The following ACCSL variants were observed in gnomAD, a reference collection of about 807,000 sequenced individuals.
The protein encoded by ACCSL is probable inactive 1-aminocyclopropane-1-carboxylate synthase-like protein 2.
ACCSL carries 55 observed loss-of-function variants against 61.7 expected under a neutral mutation model. The ratio of observed to expected loss-of-function variants is 0.89; its 90% CI spans 0.72 to 1.12. The LOEUF (loss-of-function observed/expected upper bound fraction) is 1.12, where lower values mean the gene tolerates loss of function less well. Ranked by LOEUF, ACCSL falls within the 50% of genes most tolerant of loss-of-function variation. ACCSL has a pLI of 0.00. For synonymous variants in ACCSL, 258 were observed against 264.3 expected (o/e 0.98, Z 0.23); for missense variants, 632 against 698.0 (o/e 0.91, Z 1.07).
chr11:44,031,048 T>C, the ACCSL span, among the ~76,000 whole-genome samples: 27,913 of 152,102 alleles, frequency 0.18, 2,811 homozygotes, highest in East Asian at 0.21. Flanking sequence ...TTTCCCTCCA[T>C]TGGGGTTTAA....
chr11:43,938,022 C>T, the ACCSL span, among the ~76,000 whole-genome samples: 4 of 152,068 alleles, frequency 2.6e-5, no homozygotes, highest in Non-Finnish European at 4.4e-5. Flanking sequence ...TCTTCTTAAT[C>T]GAGTGAGGCA....
At chr11:43,921,704 A>G in the ACCSL span, among the ~76,000 whole-genome samples, 1 of 152,162 alleles carries the variant, frequency 6.6e-6, no homozygotes, top group South Asian at 2.1e-4. Context: ...GCAGCTGTGC[A>G]TTTGATCTCT....
chr11:43,997,862 A>G, the ACCSL span, among the ~76,000 whole-genome samples: 2 of 152,168 alleles, frequency 1.3e-5, no homozygotes, highest in Non-Finnish European at 2.9e-5. Flanking sequence ...GCCTTCTTCT[A>G]TGGGAAGAGA....
rs779808485 is a variant in ACCSL at position 44,050,005 on chromosome 11, A to T, written c.505-57A>T. 1.4e-5 allele frequency: 23 copies of T among 1,610,448 alleles called. No individual in the cohort carries two copies. In the South Asian group the frequency reaches 2.5e-4, roughly 18 times the overall value. On this transcript the variant is annotated intron_variant, in intron 1 of 13. Transcript: ENST00000378832. ...TCCATTTGAACTAATGTTTCAAGGG[A>T]TCTATGTAGGGTGGAGCAAGAGGAC...
chr11:44,002,383 G>T, the ACCSL span, among the ~76,000 whole-genome samples: 1 of 152,216 alleles, frequency 6.6e-6, no homozygotes, highest in African/African-American at 2.4e-5. Flanking sequence ...CCACTCTTTG[G>T]AAGAAGTTTC....
chr11:43,999,607 T>C, the ACCSL span, among the ~76,000 whole-genome samples: 1 of 152,186 alleles, frequency 6.6e-6, no homozygotes, highest in Non-Finnish European at 1.5e-5. Flanking sequence ...TGCTACTGAG[T>C]AACCTAACTG....
chr11:44,031,894 G>A, the ACCSL span, among the ~76,000 whole-genome samples: 1 of 152,160 alleles, frequency 6.6e-6, no homozygotes, highest in Non-Finnish European at 1.5e-5. Context: ...CCCTCCAGCA[G>A]GAGATCCAAG....
At chr11:44,017,483 A>G in the ACCSL span, among the ~76,000 whole-genome samples, 1 of 152,186 alleles carries the variant, frequency 6.6e-6, no homozygotes, top group Non-Finnish European at 1.5e-5. Flanking sequence ...GTCTGCAGGA[A>G]CAGGCAAGAG....
In ACCSL at chr11:44,058,685, C is replaced by T. The variant is rs754373692; in HGVS notation, c.1610C>T (p.Pro537Leu). 1.2e-6 allele frequency: 2 copies of T among 1,610,936 alleles called. No homozygotes were observed. Among genetic ancestry groups the T allele is most frequent in the South Asian group, 1.1e-5 (1 of 90,698 alleles). ...WFCLIFADEL[P>L]RLKLAMRRFC... Reference sequence around the variant, plus strand: ...TGCCTCATCTTTGCAGATGAGCTCCCCCGGCTAAAATTGGGTGAGTGGAGC... The same window carrying T: ...TGCCTCATCTTTGCAGATGAGCTCCTCCGGCTAAAATTGGGTGAGTGGAGC... The change falls in exon 13 of 14, where the codon CCC becomes CTC. Residue 537 changes from proline to leucine, a missense_variant. By Grantham distance (98) the Pro-to-Leu change is moderately conservative. Transcript: ENST00000378832.
chr11:44,028,560 C>A, the ACCSL span, among the ~76,000 whole-genome samples: 1 of 152,198 alleles, frequency 6.6e-6, no homozygotes, highest in South Asian at 2.1e-4. Flanking sequence ...TACAGCTGCT[C>A]CATGGGTCTG....
At chr11:44,006,499 ATTTTTTTT>A in the ACCSL span, among the ~76,000 whole-genome samples, 2 of 89,446 alleles carry the variant, frequency 2.2e-5, no homozygotes, top group East Asian at 2.8e-4. Context: ...CCTCTTTGAG[ATTTTTTTT>A]TTTTTTTTTT....
At chr11:43,988,515 G>A in the ACCSL span, among the ~76,000 whole-genome samples, 2 of 150,642 alleles carry the variant, frequency 1.3e-5, no homozygotes, top group Non-Finnish European at 3.0e-5. Flanking sequence ...TCTCGGTGGC[G>A]TAGATGCAGT....
chr11:44,023,582 A>T, the ACCSL span, among the ~76,000 whole-genome samples: 1 of 146,188 alleles, frequency 6.8e-6, no homozygotes, highest in East Asian at 2.0e-4. Context: ...TTGTCAATTC[A>T]TTATCTTTTC....
chr11:43,959,600 G>C, the ACCSL span, among the ~76,000 whole-genome samples: 1 of 152,198 alleles, frequency 6.6e-6, no homozygotes, highest in Non-Finnish European at 1.5e-5. Context: ...GGACTGGGCG[G>C]TGGCAGACCC....
At chr11:44,005,115 C>T in the ACCSL span, among the ~76,000 whole-genome samples, 8 of 150,964 alleles carry the variant, frequency 5.3e-5, no homozygotes, top group Non-Finnish European at 1.0e-4. Flanking sequence ...AAGCTCACCC[C>T]CACCCTGCCA....
the ACCSL span, among the ~76,000 whole-genome samples, chr11:44,042,520 A>C: frequency 6.6e-6 from 1 of 151,800 alleles, no homozygotes; most frequent in African/African-American, 2.4e-5. Context: ...ATGAGATCTC[A>C]CTATGTTGAT....
At chr11:44,025,718 A>G in the ACCSL span, among the ~76,000 whole-genome samples, 2 of 151,822 alleles carry the variant, frequency 1.3e-5, no homozygotes, top group African/African-American at 4.8e-5. Flanking sequence ...AGTATTTCTT[A>G]TAGGATTGGT....
the ACCSL span, among the ~76,000 whole-genome samples, chr11:44,022,544 A>G: frequency 1.3e-5 from 2 of 152,268 alleles, no homozygotes; most frequent in African/African-American, 4.8e-5. Context: ...TAGGCATACG[A>G]TCATATCATT....
the ACCSL span, among the ~76,000 whole-genome samples, chr11:43,978,782 GGTTTT>G: frequency 6.0e-5 from 7 of 116,846 alleles, no homozygotes; most frequent in South Asian, 3.0e-4. Context: ...TGAGAAGGTG[GGTTTT>G]TTTTTTTTTT....
Sources: gnomAD v4.1 joint callset for allele counts (sites outside exome capture counted in the v4.1 genomes callset) on GRCh38, gnomAD v4.1.1 for gene constraint, MANE v1.5 for transcripts, NCBI Gene and HGNC (gene_info 2026-07-23, HGNC 2026-07-21) for gene names.